Variants in PLAC1 observed in about 807,000 individuals in gnomAD.
PLAC1 encodes placenta associated 1, also known as placenta-specific protein 1.
For synonymous variants in PLAC1, 68 were observed against 62.1 expected (o/e 1.09, Z -0.44); for missense variants, 136 against 163.2 (o/e 0.83, Z 0.91).
intron 2 of PLAC1, among the ~76,000 whole-genome samples, chrX:134,675,102 G>A (rs972366907): frequency 8.9e-6 from 1 of 112,041 alleles, no homozygotes; most frequent in Non-Finnish European, 1.9e-5. Context: ...TTAATGCATC[G>A]AACTCTGGAG....
At chrX:134,718,674 T>A (rs762875442) in intron 2 of PLAC1, among the ~76,000 whole-genome samples, 11 of 112,115 alleles carry the variant, frequency 9.8e-5, no homozygotes, top group African/African-American at 3.6e-4. Context: ...CTTAGAGATA[T>A]CCTAGGGCCT....
intron 1 of PLAC1, among the ~76,000 whole-genome samples, chrX:134,757,246 A>G (rs747339670): frequency 1.8e-5 from 2 of 113,256 alleles, no homozygotes; most frequent in South Asian, 7.2e-4. Flanking sequence ...ACATGGAGAA[A>G]TCTGGATTAC....
intron 1 of PLAC1, among the ~76,000 whole-genome samples, chrX:134,742,025 C>T (rs73224760): frequency 4.5e-5 from 5 of 111,709 alleles, no homozygotes; most frequent in Non-Finnish European, 9.4e-5. Context: ...GTCACAGGTG[C>T]AGGGGCTGGG....
chrX:134,683,435 C>A (rs1388244245), intron 2 of PLAC1, among the ~76,000 whole-genome samples: 1 of 111,802 alleles, frequency 8.9e-6, no homozygotes, highest in Non-Finnish European at 1.9e-5. Context: ...TCAGTGAAGA[C>A]TAGAAGAGAC....
At chrX:134,733,350 T>C (rs186275669) in intron 2 of PLAC1, 18 of 110,667 alleles carry the variant, frequency 1.6e-4, no homozygotes, top group Non-Finnish European at 3.2e-4. Context: ...GTGTGGTGGA[T>C]TTGTGTTTCA....
In PLAC1 at chrX:134,565,973, A is replaced by C; in HGVS notation, c.*71T>G. On this transcript the variant is annotated 3_prime_UTR_variant, in exon 3 of 3. Transcript: ENST00000359237. ...TCACATGAGGGTCACAAGAGCACTT[A>C]TTTGTCAGACATTTGTACACTATAT... The C allele has an allele frequency of 1.0e-6, 1 of 961,957 alleles. No individual in the cohort carries two copies. The highest frequency in any genetic ancestry group is 3.1e-5 in the East Asian group (1 of 32,483). The allele number at this position is 961,957 out of a possible 1,213,427, so 79.3% of individuals were successfully genotyped here.
chrX:134,591,454 A>G (rs2078038900), intron 2 of PLAC1, among the ~76,000 whole-genome samples: 1 of 112,125 alleles, frequency 8.9e-6, no homozygotes, highest in Non-Finnish European at 1.9e-5. Flanking sequence ...TTGTGCAAAC[A>G]ATTTTGGCAC....
At chrX:134,650,223 G>C in intron 1 of PLAC1, among the ~76,000 whole-genome samples, 1 of 112,141 alleles carries the variant, frequency 8.9e-6, no homozygotes. Context: ...CCCATGTCAT[G>C]TAAAACTTTG....
At chrX:134,613,707 G>C (rs1371426966) in intron 1 of PLAC1, among the ~76,000 whole-genome samples, 1 of 110,843 alleles carries the variant, frequency 9.0e-6, no homozygotes, top group Non-Finnish European at 1.9e-5. Flanking sequence ...CCAAGCAAAG[G>C]CTCTAGAGAC....
intron 2 of PLAC1, among the ~76,000 whole-genome samples, chrX:134,727,637 C>G (rs920394661): frequency 8.9e-6 from 1 of 112,088 alleles, no homozygotes; most frequent in African/African-American, 3.2e-5. Flanking sequence ...CAAATAACTA[C>G]TACAACAAGC....
chrX:134,621,444 CAAAAAAAAAAAAAA>C (rs11317429), intron 1 of PLAC1, among the ~76,000 whole-genome samples: 13 of 33,870 alleles, frequency 3.8e-4, no homozygotes, highest in East Asian at 1.4e-3. Flanking sequence ...GGCTCTGTCT[CAAAAAAAAAAAAAA>C]AAAAAAAAAA....
At chrX:134,629,464 T>C (rs1390055118) in intron 1 of PLAC1, among the ~76,000 whole-genome samples, 1 of 111,577 alleles carries the variant, frequency 9.0e-6, no homozygotes, top group African/African-American at 3.3e-5. Context: ...ATTATTATTA[T>C]TGAAGCTGAC....
chrX:134,605,092 T>C (rs1431284547), intron 1 of PLAC1, among the ~76,000 whole-genome samples: 1 of 111,601 alleles, frequency 9.0e-6, no homozygotes, highest in African/African-American at 3.3e-5. Flanking sequence ...TCCCCTCCTA[T>C]CAGTGCTCCC....
chrX:134,603,272 TATATATA>T (rs2078098100), intron 1 of PLAC1, among the ~76,000 whole-genome samples: 2 of 2,291 alleles, frequency 8.7e-4, no homozygotes, highest in African/African-American at 2.7e-3. Context: ...CTGTATTTTA[TATATATA>T]TATATATATA....
intron 1 of PLAC1, among the ~76,000 whole-genome samples, chrX:134,751,255 C>A (rs1224670383): frequency 9.2e-6 from 1 of 108,951 alleles, no homozygotes; most frequent in Non-Finnish European, 1.9e-5. Context: ...CTGAATGGGA[C>A]GGTGCAAATG....
At chrX:134,717,174 T>C (rs2078645690) in intron 2 of PLAC1, among the ~76,000 whole-genome samples, 1 of 111,858 alleles carries the variant, frequency 8.9e-6, no homozygotes, top group South Asian at 3.8e-4. Flanking sequence ...TACATGTGCG[T>C]GCTGGGTACG....
intron 2 of PLAC1, chrX:134,601,004 T>C (rs1433502011): frequency 1.8e-5 from 2 of 109,558 alleles, no homozygotes; most frequent in Admixed American, 9.8e-5. Flanking sequence ...TGTGCCACCA[T>C]GGCTGGCTAA....
Position 134,748,660 on chromosome X carries a change from T to A in PLAC1, n.90-15141A>T, listed in dbSNP as rs1254143015. Among the ~76,000 whole-genome samples the A allele has an allele frequency of 3.6e-5, 4 of 112,141 alleles. No homozygotes were observed. The Admixed American group carries it at 3.8e-4, about 11-fold the overall frequency. On this transcript the variant is annotated intron_variant and non_coding_transcript_variant, in intron 1 of 2. Transcript: ENST00000466797. ...TTTATTCTCATCTTTGAAAACTTAA[T>A]TTGGTCGTAGCTACTGGTGTTACTC... is the stretch of plus-strand genomic sequence containing the variant.
intron 1 of PLAC1, among the ~76,000 whole-genome samples, chrX:134,636,863 A>T (rs1177995791): frequency 8.9e-6 from 1 of 111,938 alleles, no homozygotes; most frequent in South Asian, 3.7e-4. Context: ...AATCTCCACC[A>T]TCCATCAAAA....
Sources: allele counts gnomAD v4.1 joint callset (sites outside exome capture counted in the v4.1 genomes callset), GRCh38; gene constraint gnomAD v4.1.1; transcripts MANE v1.5; gene names NCBI Gene and HGNC (gene_info 2026-07-23, HGNC 2026-07-21).